Variants in GRM7 observed in about 807,000 individuals in gnomAD.
The protein encoded by GRM7 is metabotropic glutamate receptor 7.
In GRM7, 35 loss-of-function variants were observed where a neutral mutation model predicts 84.5. The ratio of observed to expected loss-of-function variants is 0.41; its 90% CI spans 0.32 to 0.55. The LOEUF (loss-of-function observed/expected upper bound fraction) is 0.55, where lower values mean the gene tolerates loss of function less well. GRM7 is among the 20% of genes least tolerant of loss of function. The pLI, the probability that GRM7 is intolerant of heterozygous loss-of-function variation, is 0.19. For missense variants in GRM7, 1,003 were observed against 1,194.6 expected, an observed-to-expected ratio of 0.84 and a Z score of 2.36; for synonymous variants, 487 against 455.1, an observed-to-expected ratio of 1.07 and a Z score of -0.89.
chr3:7,308,828 C>G (rs557116496), intron 4 of GRM7, among the ~76,000 whole-genome samples: 1 of 152,064 alleles, frequency 6.6e-6, no homozygotes, highest in Non-Finnish European at 1.5e-5. Context: ...TGGCCATTAA[C>G]CCCTGATGCC....
At chr3:7,704,016 C>A (rs1478230131) in intron 9 of GRM7, among the ~76,000 whole-genome samples, 1 of 152,124 alleles carries the variant, frequency 6.6e-6, no homozygotes, top group Non-Finnish European at 1.5e-5. Flanking sequence ...GACCAGCACA[C>A]AAAATAGACT....
intron 7 of GRM7, among the ~76,000 whole-genome samples, chr3:7,530,968 A>G (rs962302279): frequency 4.6e-5 from 7 of 152,006 alleles, no homozygotes; most frequent in African/African-American, 1.7e-4. Context: ...CCATTTGTCA[A>G]TTTTGGCTTT....
At chr3:7,429,186 T>G (rs748335761) in intron 5 of GRM7, among the ~76,000 whole-genome samples, 4 of 151,406 alleles carry the variant, frequency 2.6e-5, no homozygotes, top group Non-Finnish European at 4.4e-5. Context: ...ATAATGATGA[T>G]AGAGTTTTGT....
chr3:7,256,912 G>A (rs771277138), intron 2 of GRM7, among the ~76,000 whole-genome samples: 1 of 152,188 alleles, frequency 6.6e-6, no homozygotes, highest in African/African-American at 2.4e-5. Flanking sequence ...TATTTGAGAA[G>A]CCTTGGTTAG....
chr3:6,908,102 C>G (rs1477367170), intron 1 of GRM7, among the ~76,000 whole-genome samples: 1 of 152,024 alleles, frequency 6.6e-6, no homozygotes, highest in Non-Finnish European at 1.5e-5. Flanking sequence ...AATAAAAAGA[C>G]AAAGCAAGCA....
chr3:7,129,638 T>C (rs1331499449), intron 1 of GRM7, among the ~76,000 whole-genome samples: 1 of 152,016 alleles, frequency 6.6e-6, no homozygotes, highest in African/African-American at 2.4e-5. Flanking sequence ...TTCTTACTGC[T>C]TGAGAGATGA....
intron 1 of GRM7, among the ~76,000 whole-genome samples, chr3:7,103,808 T>C (rs867177634): frequency 7.3e-4 from 71 of 97,296 alleles, no homozygotes; most frequent in African/African-American, 3.5e-3. Context: ...CTTTCTTTCT[T>C]TCTTTCTTTC....
At chr3:7,502,284 A>G (rs1304869631) in intron 7 of GRM7, among the ~76,000 whole-genome samples, 1 of 152,200 alleles carries the variant, frequency 6.6e-6, no homozygotes, top group Non-Finnish European at 1.5e-5. Context: ...CATTATGTTC[A>G]TTTATATTTG....
chr3:7,553,782 G>A lies in GRM7; in HGVS notation c.1516-24640G>A, dbSNP rs115064849. ...CTCCACCTGGTCTCTCCCTTGACAC[G>A]TGAGGATTATGGGGATTATTGGGAT... On this transcript the variant is annotated intron_variant, in intron 7 of 9. Transcript: ENST00000357716. Among the ~76,000 whole-genome samples the A allele has an allele frequency of 4.7e-3, 712 of 152,296 alleles. 4 individuals carry two copies. The highest frequency in any genetic ancestry group is 0.016 in the African/African-American group (671 of 41,570).
intron 1 of GRM7, among the ~76,000 whole-genome samples, chr3:6,898,499 T>G (rs1351659021): frequency 1.3e-5 from 2 of 151,428 alleles, no homozygotes; most frequent in Admixed American, 1.3e-4. Context: ...AGGCTGGAAG[T>G]TAAGATAAAG....
chr3:6,875,353 G>T (rs1695263591), intron 1 of GRM7, among the ~76,000 whole-genome samples: 1 of 152,034 alleles, frequency 6.6e-6, no homozygotes, highest in South Asian at 2.1e-4. Flanking sequence ...TGTGCTGAGG[G>T]CGGGGCCAGG....
chr3:7,290,278 T>C (rs1575125163), intron 2 of GRM7, among the ~76,000 whole-genome samples: 1 of 152,170 alleles, frequency 6.6e-6, no homozygotes, highest in Admixed American at 6.6e-5. Context: ...TCATTTCCCC[T>C]TTCTGGAACA....
chr3:6,976,981 A>T (rs1402375893), intron 1 of GRM7, among the ~76,000 whole-genome samples: 1 of 152,154 alleles, frequency 6.6e-6, no homozygotes, highest in Non-Finnish European at 1.5e-5. Flanking sequence ...ATCAGTGCAG[A>T]GGCTTGGGTT....
In GRM7 at chr3:7,740,367, A is replaced by G; in HGVS notation, c.2709A>G (p.Ala903=). The change falls in exon 10 of 10, where the codon GCA becomes GCG. Residue 903 remains alanine, a synonymous_variant. Transcript: ENST00000357716. The part of the protein sequence containing the change: ...CENVDPNSPA[A]KKKYVSYNNL... ...TAATTTTTCTTTCAGGCCCTGCTGCAAAAAAGAAGTATGTCAGTTATAATA... is the reference window on the plus strand; with the variant it reads ...TAATTTTTCTTTCAGGCCCTGCTGCGAAAAAGAAGTATGTCAGTTATAATA... 6.3e-7 allele frequency: 1 copy of G among 1,588,262 alleles called. No homozygotes were observed. The highest frequency in any genetic ancestry group is 8.6e-7 in the Non-Finnish European group (1 of 1,161,512).
chr3:7,272,303 G>A (rs1466725402), intron 2 of GRM7, among the ~76,000 whole-genome samples: 7 of 152,100 alleles, frequency 4.6e-5, no homozygotes, highest in Admixed American at 3.9e-4. Flanking sequence ...AAGAGTAACT[G>A]AGGCTTATAA....
At chr3:7,469,669 T>C (rs1299255007) in intron 7 of GRM7, among the ~76,000 whole-genome samples, 1 of 152,184 alleles carries the variant, frequency 6.6e-6, no homozygotes, top group Non-Finnish European at 1.5e-5. Flanking sequence ...CTGTTTCTGA[T>C]CATATCTGTG....
intron 1 of GRM7, among the ~76,000 whole-genome samples, chr3:6,916,858 A>G (rs1242475051): frequency 6.6e-6 from 1 of 152,190 alleles, no homozygotes; most frequent in East Asian, 1.9e-4. Context: ...CTGATATGTA[A>G]GAAGAAAAAA....
chr3:7,319,575 C>T (rs906740016), intron 4 of GRM7, among the ~76,000 whole-genome samples: 3 of 151,958 alleles, frequency 2.0e-5, no homozygotes, highest in African/African-American at 7.2e-5. Context: ...GAGAATTTAT[C>T]TTAGAATGCC....
At chr3:7,732,431 G>A (rs1702363921) in intron 9 of GRM7, among the ~76,000 whole-genome samples, 1 of 152,138 alleles carries the variant, frequency 6.6e-6, no homozygotes, top group African/African-American at 2.4e-5. Flanking sequence ...GTCATGAGAG[G>A]GTGCAGCAGG....
Sources: gnomAD v4.1 joint callset for allele counts (sites outside exome capture counted in the v4.1 genomes callset) on GRCh38, gnomAD v4.1.1 for gene constraint, MANE v1.5 for transcripts, NCBI Gene and HGNC (gene_info 2026-07-23, HGNC 2026-07-21) for gene names.